The following ATE1 variants were observed in gnomAD, a reference collection of about 807,000 sequenced individuals.
The protein encoded by ATE1 is arginyltransferase 1, also known as arginyl-tRNA--protein transferase 1.
In ATE1, 36 loss-of-function variants were observed where a neutral mutation model predicts 70.5. The observed-to-expected ratio is 0.51, with a 90% CI of 0.39 to 0.67. The LOEUF is 0.67. Ranked by LOEUF, ATE1 falls within the 30% of genes least tolerant of loss-of-function variation. ATE1 has a pLI of 0.00. For synonymous variants in ATE1, 232 were observed against 219.3 expected (o/e 1.06, Z -0.51); for missense variants, 593 against 629.5 (o/e 0.94, Z 0.62).
chr10:121,815,755 G>T (rs1381278637), intron 10 of ATE1, among the ~76,000 whole-genome samples: 4 of 152,192 alleles, frequency 2.6e-5, no homozygotes, highest in Non-Finnish European at 5.9e-5. Flanking sequence ...CAGAAGCGCT[G>T]CAACCGTAAT....
chr10:121,908,158 T>C (rs981076133), intron 5 of ATE1, among the ~76,000 whole-genome samples: 5 of 152,112 alleles, frequency 3.3e-5, no homozygotes, highest in African/African-American at 1.2e-4. Flanking sequence ...AACTAACTGG[T>C]CACTGTTAGA....
Position 121,874,647 on chromosome 10 carries a change from T to C in ATE1, c.943-4609A>G, listed in dbSNP as rs1351526503. Among the ~76,000 whole-genome samples the C allele has an allele frequency of 3.3e-5, 5 of 152,268 alleles. No homozygotes were observed. The South Asian group carries it at 8.3e-4, about 25-fold the overall frequency. On this transcript the variant is annotated intron_variant, in intron 7 of 11. Transcript: ENST00000224652. ...ATTGCAAGCAACGTAGCAGAAAGGA[T>C]TGTTTGTGCTACCTCTTCTGATTAC...
Position 121,902,452 on chromosome 10 carries a change from G to T in ATE1, c.752C>A (p.Pro251Gln), listed in dbSNP as rs747491086. 6.2e-7 allele frequency: 1 copy of T among 1,614,164 alleles called. No homozygotes were observed. Among genetic ancestry groups the T allele is most frequent in the Non-Finnish European group, 8.5e-7 (1 of 1,180,036 alleles). The change falls in exon 6 of 12, where the codon CCA (proline) becomes CAA (glutamine). Residue 251 changes from proline (P) to glutamine (Q), a missense_variant. This residue lies in a region of ATE1 where 467 missense variants were observed against 469.6 expected (regional missense o/e 0.99). Transcript: ENST00000224652. ...LFPPKAKSNQPKSLEDLIFES... is the reference protein window; with the variant it reads ...LFPPKAKSNQQKSLEDLIFES... Reference sequence around the variant, plus strand: ...AAAAATTAAATCTTCGAGTGATTTTGGCTGGTTGGATTTAGCCTTTGGTGG... The same window carrying T: ...AAAAATTAAATCTTCGAGTGATTTTTGCTGGTTGGATTTAGCCTTTGGTGG...
intron 4 of ATE1, among the ~76,000 whole-genome samples, chr10:121,911,788 C>T (rs112952321): frequency 6.6e-5 from 10 of 152,180 alleles, no homozygotes; most frequent in African/African-American, 2.4e-4. Flanking sequence ...CCTCTGTCGC[C>T]CAGGCTGCAG....
intron 8 of ATE1, among the ~76,000 whole-genome samples, chr10:121,843,059 A>T (rs1948690169): frequency 6.6e-6 from 1 of 152,152 alleles, no homozygotes; most frequent in African/African-American, 2.4e-5. Flanking sequence ...AACATGACTG[A>T]GGTAGGTTAA....
chr10:121,912,551 C>T (rs1388489058), intron 4 of ATE1, among the ~76,000 whole-genome samples: 5 of 151,436 alleles, frequency 3.3e-5, no homozygotes, highest in South Asian at 2.1e-4. Flanking sequence ...ACTCGGGAGG[C>T]GGAGACAACA....
At chr10:121,848,537 G>A (rs1301656261) in intron 8 of ATE1, among the ~76,000 whole-genome samples, 4 of 148,180 alleles carry the variant, frequency 2.7e-5, no homozygotes. Context: ...AAAATCGCTT[G>A]AACCCGGAAT....
rs570784030 is a variant in ATE1 at position 121,862,213 on chromosome 10, C to T, written c.975+7793G>A. ...TCCTCAGCTTAACGACTCAACCTTCCGACCACCTCATCCCTTTACTGCTGA... is the reference window on the plus strand; with the variant it reads ...TCCTCAGCTTAACGACTCAACCTTCTGACCACCTCATCCCTTTACTGCTGA... On this transcript the variant is annotated intron_variant, in intron 8 of 11. Transcript: ENST00000224652. Among the ~76,000 whole-genome samples, 149 of 152,234 alleles carry T rather than the reference C, an allele frequency of 9.8e-4. 1 individual carries two copies. The highest frequency in any genetic ancestry group is 1.6e-3 in the Non-Finnish European group (108 of 68,016).
At chr10:121,850,471 G>T (rs941042415) in intron 8 of ATE1, among the ~76,000 whole-genome samples, 20 of 152,168 alleles carry the variant, frequency 1.3e-4, no homozygotes, top group African/African-American at 4.8e-4. Flanking sequence ...ACTGCCTTGA[G>T]AATTCTACTT....
intron 11 of ATE1, among the ~76,000 whole-genome samples, chr10:121,759,066 A>G (rs1944926185): frequency 6.6e-6 from 1 of 152,196 alleles, no homozygotes; most frequent in Non-Finnish European, 1.5e-5. Context: ...AAAGGCTAGA[A>G]ATGATTAAAC....
chr10:121,911,442 T>TAAAAAAAAA (rs371014661), intron 4 of ATE1, among the ~76,000 whole-genome samples: 3 of 128,336 alleles, frequency 2.3e-5, no homozygotes, highest in South Asian at 2.4e-4. Context: ...TACAGTAAAT[T>TAAAAAAAAA]AAAAAAAAAA....
chr10:121,915,128 C>A (rs2134485655), intron 3 of ATE1, among the ~76,000 whole-genome samples: 1 of 152,146 alleles, frequency 6.6e-6, no homozygotes, highest in East Asian at 1.9e-4. Context: ...AGGACATAGA[C>A]CATGACAGAA....
At chr10:121,751,965 G>A (rs562934212) in intron 11 of ATE1, among the ~76,000 whole-genome samples, 4 of 151,986 alleles carry the variant, frequency 2.6e-5, no homozygotes, top group Admixed American at 6.5e-5. Flanking sequence ...AGGCTGAGGC[G>A]CATGGATCGT....
chr10:121,744,442 T>C (rs1242912047), intron 11 of ATE1, among the ~76,000 whole-genome samples: 2 of 152,146 alleles, frequency 1.3e-5, no homozygotes, highest in Admixed American at 6.5e-5. Context: ...ATTAGAACAC[T>C]GGCCTCCTGC....
chr10:121,928,351 G>A (rs966132305), upstream of ATE1: 2 of 1,529,582 alleles, frequency 1.3e-6, no homozygotes, highest in Non-Finnish European at 1.8e-6. Context: ...ACTCACCGCA[G>A]GACGCTTTGC....
Position 121,743,719 on chromosome 10 carries a change from C to A in ATE1, c.1518G>T (p.Gly506=), listed in dbSNP as rs759197284. ...GCAGCATCCGCTCGGAGCACTTCTG[C>A]CCCACCAGGCTGGCGTACTGCAGAA... The part of the protein sequence containing the change: ...AAVLQYASLV[G]QKCSERMLLF... Residue 506 remains glycine, a synonymous_variant, in exon 12 of 12, where the codon GGG becomes GGT. Transcript: ENST00000224652. The A allele has an allele frequency of 6.2e-6, 10 of 1,613,466 alleles. No individual in the cohort carries two copies. Among genetic ancestry groups the A allele is most frequent in the Middle Eastern group, 3.3e-4 (2 of 6,082 alleles).
intron 10 of ATE1, among the ~76,000 whole-genome samples, chr10:121,794,393 AAAG>A (rs1356097004): frequency 6.6e-6 from 1 of 152,074 alleles, no homozygotes; most frequent in Non-Finnish European, 1.5e-5. Context: ...GCAGAACATA[AAAG>A]AAGAGAATAC....
chr10:121,744,812 G>A (rs992167830), intron 11 of ATE1, among the ~76,000 whole-genome samples: 6 of 152,180 alleles, frequency 3.9e-5, no homozygotes, highest in African/African-American at 1.4e-4. Flanking sequence ...GCTGGGTGTG[G>A]GCTCATGACC....
At chr10:121,764,785 C>T (rs1338327115) in intron 11 of ATE1, among the ~76,000 whole-genome samples, 1 of 152,234 alleles carries the variant, frequency 6.6e-6, no homozygotes, top group Non-Finnish European at 1.5e-5. Context: ...GCTACCTGCA[C>T]ATTTACTGGA....
Sources: allele counts gnomAD v4.1 joint callset (sites outside exome capture counted in the v4.1 genomes callset), GRCh38; gene constraint gnomAD v4.1.1; regional missense constraint gnomAD v4.1.1; transcripts MANE v1.5; gene names NCBI Gene and HGNC (gene_info 2026-07-23, HGNC 2026-07-21).